CORO7: variants seen among roughly 807,000 people sequenced by gnomAD.
CORO7 encodes coronin 7, also known as coronin-7.
A neutral mutation model predicts 126.6 loss-of-function variants in CORO7; 107 were observed. That is an observed-to-expected ratio of 0.85 (90% CI 0.72 to 0.99). The LOEUF is 0.99. Among genes scored for constraint, CORO7 ranks in the 50% least tolerant of loss-of-function variants. The probability of loss-of-function intolerance (pLI) is 0.00; values close to 1 mark genes in which losing one functional copy is unlikely to be tolerated. For missense variants in CORO7, 1,314 were observed against 1,255.8 expected, an observed-to-expected ratio of 1.05 and a Z score of -0.70; for synonymous variants, 603 against 536.8, an observed-to-expected ratio of 1.12 and a Z score of -1.70.
chr16:4,402,265 G>T (rs574191358), intron 6 of CORO7, among the ~76,000 whole-genome samples: 6 of 151,090 alleles, frequency 4.0e-5, no homozygotes, highest in South Asian at 4.2e-4. Context: ...TGTTGTTGTT[G>T]TTTTTTAAGA....
chr16:4,361,763 CG>C (rs1373145080), intron 16 of CORO7: 4 of 839,866 alleles, frequency 4.8e-6, no homozygotes, highest in Non-Finnish European at 7.8e-6. Context: ...CTGTGTGACC[CG>C]GGCAGGTCAC....
chr16:4,396,915 C>A lies in CORO7; in HGVS notation c.565-1576G>T, dbSNP rs531967952. ...CCTGTAATCCCAGCTACTCAGGGGGCGGAGGCAGGAGAATCGTTTGAACCT... is the reference window on the plus strand; with the variant it reads ...CCTGTAATCCCAGCTACTCAGGGGGAGGAGGCAGGAGAATCGTTTGAACCT... On this transcript the variant is annotated intron_variant, in intron 6 of 27. Transcript: ENST00000251166. 6.8e-5 allele frequency among the ~76,000 whole-genome samples: 10 copies of A among 148,066 alleles called. No homozygotes were observed. The East Asian group carries it at 2.0e-3, about 30-fold the overall frequency.
rs1428630683 is a variant in CORO7 at position 4,387,969 on chromosome 16, C to T, written c.785+17G>A. 5 of 1,612,172 alleles carry T rather than the reference C, an allele frequency of 3.1e-6. No individual in the cohort carries two copies. Among genetic ancestry groups the T allele is most frequent in the East Asian group, 2.2e-5 (1 of 44,852 alleles). ...GGTCATCAGCCCCCCAGCCCACCTG[C>T]GTGCCGCAGCTCCTACCCAAGCGAG... On this transcript the variant is annotated intron_variant, in intron 9 of 27. Transcript: ENST00000251166.
At chr16:4,410,292 G>A (rs1452905890) in intron 3 of CORO7, among the ~76,000 whole-genome samples, 1 of 152,144 alleles carries the variant, frequency 6.6e-6, no homozygotes, top group Non-Finnish European at 1.5e-5. Context: ...GGGCATGGTG[G>A]TGTGTGCCTA....
At chr16:4,387,046 G>C (rs530388555) in intron 9 of CORO7, among the ~76,000 whole-genome samples, 1 of 152,292 alleles carries the variant, frequency 6.6e-6, no homozygotes, top group Non-Finnish European at 1.5e-5. Flanking sequence ...CCCTTTCCTG[G>C]CTCTGACATT....
chr16:4,357,937 C>A (rs568562521), intron 25 of CORO7, 31 bp downstream of exon 25: 2 of 1,577,900 alleles, frequency 1.3e-6, no homozygotes, highest in Non-Finnish European at 8.7e-7. Context: ...CCCCATCCCG[C>A]TTCCTCCCCA....
chr16:4,392,745 G>A (rs978943416), intron 7 of CORO7, among the ~76,000 whole-genome samples: 8 of 152,240 alleles, frequency 5.3e-5, no homozygotes, highest in Admixed American at 4.6e-4. Flanking sequence ...TGCCAGCAGC[G>A]GTTTTCCTAA....
intron 6 of CORO7, among the ~76,000 whole-genome samples, chr16:4,403,740 G>T (rs2055896768): frequency 6.6e-6 from 1 of 152,204 alleles, no homozygotes; most frequent in South Asian, 2.1e-4. Context: ...ACCCCCAGGA[G>T]GAGGGCCTGG....
At chr16:4,396,433 C>T (rs974809371) in intron 6 of CORO7, among the ~76,000 whole-genome samples, 4 of 152,194 alleles carry the variant, frequency 2.6e-5, no homozygotes, top group African/African-American at 9.7e-5. Context: ...TAGTGTGATT[C>T]TACTGTGGTA....
Position 4,380,254 on chromosome 16 carries a change from C to T in CORO7, c.785+7732G>A, listed in dbSNP as rs117538055. ...CCAATGCCTGTGGCCTCTGCCCCTC[C>T]TCCAGGAACCTTCCCGCCGGCCACT... is the stretch of plus-strand genomic sequence containing the variant. On this transcript the variant is annotated intron_variant, in intron 9 of 27. Coordinates refer to ENST00000251166, the MANE Select transcript of CORO7 (RefSeq NM_024535.5). Among the ~76,000 whole-genome samples, 6 of 152,340 alleles carry T rather than the reference C, an allele frequency of 3.9e-5. No individual in the cohort carries two copies. The East Asian group carries it at 1.2e-3, about 29-fold the overall frequency.
chr16:4,357,357 T>C lies in CORO7; in HGVS notation c.2594-98A>G. On this transcript the variant is annotated intron_variant, in intron 25 of 27. Transcript: ENST00000251166. ...TTCTTTCTTTCTTTTCTTTCTTTCTTTTTTTTTTTTTTTTTTTGAGATGGA... is the reference window on the plus strand; with the variant it reads ...TTCTTTCTTTCTTTTCTTTCTTTCTCTTTTTTTTTTTTTTTTTGAGATGGA... The C allele has an allele frequency of 2.3e-5, 8 of 353,216 alleles. No homozygotes were observed. In the South Asian group the frequency reaches 6.6e-4, roughly 29 times the overall value. The allele number at this position is 353,216 out of a possible 1,614,324, so 21.9% of individuals were successfully genotyped here.
rs1223709092 is a variant in CORO7 at position 4,388,010 on chromosome 16, G to T, written c.761C>A (p.Ser254Tyr). The change falls in exon 9 of 28, where the codon TCC becomes TAC. Residue 254 changes from serine (S) to tyrosine (Y), a missense_variant. Ser to Tyr is a moderately radical substitution (Grantham distance 144). Coordinates refer to ENST00000251166, the MANE Select transcript of CORO7 (RefSeq NM_024535.5). ...DTRFFSSALASLTLDTSLGCL... is the reference protein window; with the variant it reads ...DTRFFSSALAYLTLDTSLGCL... Reference sequence around the variant, plus strand: ...CCCAAGCGAGGTGTCCAAGGTGAGGGAGGCCAGGGCGCTGGAGAAGAACCG... The same window carrying T: ...CCCAAGCGAGGTGTCCAAGGTGAGGTAGGCCAGGGCGCTGGAGAAGAACCG... 6.2e-7 allele frequency: 1 copy of T among 1,613,056 alleles called. No homozygotes were observed. The highest frequency in any genetic ancestry group is 8.5e-7 in the Non-Finnish European group (1 of 1,179,934).
chr16:4,380,893 C>A (rs946123024), intron 9 of CORO7: 2 of 1,545,278 alleles, frequency 1.3e-6, no homozygotes, highest in Admixed American at 3.9e-5. Context: ...CTCCAGGGTC[C>A]CTCTGCTGCT....
intron 3 of CORO7, among the ~76,000 whole-genome samples, chr16:4,410,702 C>A (rs2056172522): frequency 6.6e-6 from 1 of 152,156 alleles, no homozygotes; most frequent in Non-Finnish European, 1.5e-5. Context: ...GTGAGATGCG[C>A]AAAAGAGGCC....
chr16:4,356,301 G>A (rs1237891805), intron 26 of CORO7: 2 of 151,986 alleles, frequency 1.3e-5, no homozygotes, highest in Non-Finnish European at 2.9e-5. Flanking sequence ...GGTTTCACTG[G>A]TCTCAGGCTG....
intron 21 of CORO7, among the ~76,000 whole-genome samples, chr16:4,359,822 A>C (rs2054101232): frequency 6.6e-6 from 1 of 150,694 alleles, no homozygotes; most frequent in Non-Finnish European, 1.5e-5. Context: ...TCACTCACCC[A>C]TCCATCTACC....
intron 7 of CORO7, among the ~76,000 whole-genome samples, chr16:4,390,881 G>C (rs1288630164): frequency 4.6e-5 from 7 of 152,220 alleles, no homozygotes; most frequent in Non-Finnish European, 7.4e-5. Flanking sequence ...GAGCCGCCCA[G>C]GACCACAGCT....
intron 23 of CORO7, chr16:4,358,989 C>A (rs117478374): frequency 5.8e-5 from 26 of 451,994 alleles, no homozygotes; most frequent in Non-Finnish European, 8.6e-5. Context: ...GTTGCCCAGG[C>A]TGGTCTTGAA....
intron 9 of CORO7, among the ~76,000 whole-genome samples, chr16:4,371,496 C>T (rs1405419174): frequency 6.6e-6 from 1 of 152,252 alleles, no homozygotes; most frequent in Non-Finnish European, 1.5e-5. Flanking sequence ...GCCATCCTGC[C>T]TCTCCAGGGC....
Sources: allele counts gnomAD v4.1 joint callset (sites outside exome capture counted in the v4.1 genomes callset), GRCh38; gene constraint gnomAD v4.1.1; transcripts MANE v1.5; gene names NCBI Gene and HGNC (gene_info 2026-07-23, HGNC 2026-07-21).